The following PCDHB3 variants were observed in gnomAD, a reference collection of about 807,000 sequenced individuals.
PCDHB3 encodes protocadherin beta-3.
For missense variants in PCDHB3, 967 were observed against 1,012.1 expected (o/e 0.96, Z 0.60); for synonymous variants, 479 against 456.0 (o/e 1.05, Z -0.64).
rs1751973980 is a variant in PCDHB3 at position 141,102,333 on chromosome 5, C to T, written c.1684C>T (p.Leu562=). ...CGCCAACGACAACTCGCCCTTCGTG[C>T]TGTACCCGCTGCAGAACGGCTCCGC... ...LDANDNSPFV[L]YPLQNGSAPC... Residue 562 remains leucine, a synonymous_variant, in exon 1 of 1, where the codon CTG becomes TTG. Coordinates refer to ENST00000231130, the MANE Select transcript of PCDHB3 (RefSeq NM_018937.5). 1 of 1,611,486 alleles carries T rather than the reference C, an allele frequency of 6.2e-7. No homozygotes were observed. Among genetic ancestry groups the T allele is most frequent in the Non-Finnish European group, 8.5e-7 (1 of 1,179,692 alleles).
At position 141,101,409 on chromosome 5, in the gene PCDHB3, A is replaced by G. The variant is rs782317628; in HGVS notation, c.760A>G (p.Asn254Asp). The change falls in exon 1 of 1, where the codon AAT becomes GAT. Residue 254 changes from asparagine to aspartate, a missense_variant. Coordinates refer to ENST00000231130, the MANE Select transcript of PCDHB3 (RefSeq NM_018937.5). ...GCTCTATGAGGTTGCAGTTCTAGAG[A>G]ATACCCCCGTTAACTCTGTCATTGT... The part of the protein sequence containing the change: ...QPLYEVAVLE[N>D]TPVNSVIVTV... 6.2e-6 allele frequency: 10 copies of G among 1,614,074 alleles called. No homozygotes were observed. In the East Asian group the frequency reaches 2.2e-4, roughly 36 times the overall value.
At position 141,101,267 on chromosome 5, in the gene PCDHB3, G is replaced by A. The variant is rs782181648; in HGVS notation, c.618G>A (p.Pro206=). The change falls in exon 1 of 1, where the codon CCG becomes CCA. Residue 206 remains proline, a synonymous_variant. Coordinates refer to ENST00000231130, the MANE Select transcript of PCDHB3 (RefSeq NM_018937.5). ...AAGCGCTCGATCCGGAGGAGCAGCC[G>A]GAACTCAGCTTAACGCTCACCGCGC... is the stretch of plus-strand genomic sequence containing the variant. The part of the protein sequence containing the change: ...LDKALDPEEQ[P]ELSLTLTALD... 3.7e-6 allele frequency: 6 copies of A among 1,614,152 alleles called. No homozygotes were observed. In the Admixed American group the frequency reaches 8.3e-5, roughly 22 times the overall value.
Position 141,101,020 on chromosome 5 carries a change from T to A in PCDHB3, c.371T>A (p.Ile124Lys). The A allele has an allele frequency of 6.2e-7, 1 of 1,614,210 alleles. No individual in the cohort carries two copies. Among genetic ancestry groups the A allele is most frequent in the South Asian group, 1.1e-5 (1 of 91,090 alleles). ...LQFVTNELRI[I>K]DVNDHSPVFF... The stretch of plus-strand genomic sequence containing the variant: ...TTCGTTACAAACGAGCTCCGTATCA[T>A]AGATGTAAATGACCATTCTCCGGTA... The change falls in exon 1 of 1, where the codon ATA becomes AAA. Residue 124 changes from isoleucine (I) to lysine (K), a missense_variant. Coordinates refer to ENST00000231130, the MANE Select transcript of PCDHB3 (RefSeq NM_018937.5).
chr5:141,102,839 C>G lies in PCDHB3; in HGVS notation c.2190C>G (p.Gly730=), dbSNP rs1332332683. The change falls in exon 1 of 1, where the codon GGC becomes GGG. Residue 730 remains glycine (G), a synonymous_variant. Coordinates refer to ENST00000231130, the MANE Select transcript of PCDHB3 (RefSeq NM_018937.5). ...TGGGTCGCTGCTCGGTGCCCGAGGGCCCCTTTCCAGGGCAGATGGTGGACG... is the reference window on the plus strand; with the variant it reads ...TGGGTCGCTGCTCGGTGCCCGAGGGGCCCTTTCCAGGGCAGATGGTGGACG... ...ASVGRCSVPE[G]PFPGQMVDVS... is the part of the protein sequence containing the mutation. The G allele has an allele frequency of 2.5e-6, 4 of 1,613,108 alleles. No homozygotes were observed. In the South Asian group the frequency reaches 4.4e-5, roughly 18 times the overall value.
In PCDHB3 at chr5:141,102,484, CCGGGCTGTTCGG is replaced by C; in HGVS notation, c.1838_1849del (p.Gly613_Gly616del). On this transcript the variant is annotated inframe_deletion, in exon 1 of 1. Coordinates refer to ENST00000231130, the MANE Select transcript of PCDHB3 (RefSeq NM_018937.5). ...TACCAGCTGCTCAAGGCCACGGAGC[CCGGGCTGTTCGG>C]CGTGTGGGCGCACAATGGCGAAGTG... 1 of 1,608,938 alleles carries C rather than the reference CCGGGCTGTTCGG, an allele frequency of 6.2e-7. No individual in the cohort carries two copies. The highest frequency in any genetic ancestry group is 1.1e-5 in the South Asian group (1 of 90,950).
chr5:141,103,205 G>A lies in PCDHB3; in HGVS notation c.*165G>A. 1.4e-6 allele frequency: 1 copy of A among 710,380 alleles called. No homozygotes were observed. The highest frequency in any genetic ancestry group is 2.3e-6 in the Non-Finnish European group (1 of 437,926). 44.0% of individuals were successfully genotyped at this position (710,380 alleles called of 1,614,324 possible). A position where few individuals can be genotyped will look rare whatever the true frequency, so the allele number is the denominator to read the frequency against. ...TGGCTTAGGTTTCATTAACAGTACT[G>A]GAAAGTAGTTGTGTGGCTCTGAATG... On this transcript the variant is annotated 3_prime_UTR_variant, in exon 1 of 1. Coordinates refer to ENST00000231130, the MANE Select transcript of PCDHB3 (RefSeq NM_018937.5).
In PCDHB3 at chr5:141,100,523, G is replaced by C. The variant is rs1055411; in HGVS notation, c.-127G>C. 0.074 allele frequency: 55,287 copies of C among 751,092 alleles called. 2,322 individuals are homozygous for C. Among genetic ancestry groups the C allele is most frequent in the South Asian group, 0.11 (5,449 of 50,550 alleles). 46.5% of individuals were successfully genotyped at this position (751,092 alleles called of 1,614,324 possible). Reference sequence around the variant, plus strand: ...CCCAGGCAGATTTTTGAGCCAGCAAGTCTGAGCCTCTGGAAAGGCTTATTC... The same window carrying C: ...CCCAGGCAGATTTTTGAGCCAGCAACTCTGAGCCTCTGGAAAGGCTTATTC... On this transcript the variant is annotated 5_prime_UTR_variant, in exon 1 of 1. Transcript: ENST00000231130.
Position 141,102,032 on chromosome 5 carries a change from C to G in PCDHB3, c.1383C>G (p.Arg461=), listed in dbSNP as rs782246125. 1 of 1,613,144 alleles carries G rather than the reference C, an allele frequency of 6.2e-7. No individual in the cohort carries two copies. Among genetic ancestry groups the G allele is most frequent in the Non-Finnish European group, 8.5e-7 (1 of 1,180,036 alleles). ...FTQISYTLFV[R]ENNSPALHIG... ...AAATCTCCTACACCCTGTTCGTCCGCGAGAACAACAGCCCCGCCCTGCACA... is the reference window on the plus strand; with the variant it reads ...AAATCTCCTACACCCTGTTCGTCCGGGAGAACAACAGCCCCGCCCTGCACA... Residue 461 remains arginine, a synonymous_variant, in exon 1 of 1, where the codon CGC becomes CGG. Coordinates refer to ENST00000231130, the MANE Select transcript of PCDHB3 (RefSeq NM_018937.5).
chr5:141,101,807 G>A lies in PCDHB3; in HGVS notation c.1158G>A (p.Glu386=). 4 of 1,614,066 alleles carry A rather than the reference G, an allele frequency of 2.5e-6. No homozygotes were observed. The highest frequency in any genetic ancestry group is 3.4e-6 in the Non-Finnish European group (4 of 1,180,018). Reference sequence around the variant, plus strand: ...ACGGAAGAGTGATGTGTTCCATTGAGAACAATCTCCCCTTCTTCCTGAAAC... The same window carrying A: ...ACGGAAGAGTGATGTGTTCCATTGAAAACAATCTCCCCTTCTTCCTGAAAC... ...GDNGRVMCSI[E]NNLPFFLKPS... The change falls in exon 1 of 1, where the codon GAG becomes GAA. Residue 386 remains glutamate (E), a synonymous_variant. Transcript: ENST00000231130.
chr5:141,102,811 C>T lies in PCDHB3; in HGVS notation c.2162C>T (p.Ser721Leu), dbSNP rs2149616994. 1 of 1,612,398 alleles carries T rather than the reference C, an allele frequency of 6.2e-7. No homozygotes were observed. Among genetic ancestry groups the T allele is most frequent in the Non-Finnish European group, 8.5e-7 (1 of 1,179,880 alleles). Residue 721 changes from serine (S) to leucine (L), a missense_variant, in exon 1 of 1, where the codon TCG (serine) becomes TTG (leucine). Ser to Leu is a moderately radical substitution (Grantham distance 145). Transcript: ENST00000231130. ...CTGTGCAGGAGGAGCAGGGCGGCCT[C>T]GGTGGGTCGCTGCTCGGTGCCCGAG... ...VRLCRRSRAASVGRCSVPEGP... is the reference protein window; with the variant it reads ...VRLCRRSRAALVGRCSVPEGP...
chr5:141,103,128 G>A lies in PCDHB3; in HGVS notation c.*88G>A, dbSNP rs782754674. The A allele has an allele frequency of 1.3e-4, 197 of 1,486,390 alleles. No individual in the cohort carries two copies. Among genetic ancestry groups the A allele is most frequent in the Middle Eastern group, 5.4e-4 (3 of 5,568 alleles). 92.1% of individuals were successfully genotyped at this position (1,486,390 alleles called of 1,614,324 possible). On this transcript the variant is annotated 3_prime_UTR_variant, in exon 1 of 1. Coordinates refer to ENST00000231130, the MANE Select transcript of PCDHB3 (RefSeq NM_018937.5). ...TTTGTCCATTGGAGAGGTCTTTTTT[G>A]GTCTGGTTCAAGGCAAGTAGCAAGA...
chr5:141,101,305 C>CA lies in PCDHB3; in HGVS notation c.656_657insA (p.Pro220SerfsTer29), dbSNP rs1554272255. On this transcript the variant is annotated frameshift_variant, in exon 1 of 1. Coordinates refer to ENST00000231130, the MANE Select transcript of PCDHB3 (RefSeq NM_018937.5). LOFTEE classifies it low-confidence loss of function (END_TRUNC). Reference sequence around the variant, plus strand: ...ACGCTCACCGCGCTGGACGGCGGCTCTCCCCCTCGGTCTGGGACAGCCCAG... The same window carrying CA: ...ACGCTCACCGCGCTGGACGGCGGCTCATCCCCCTCGGTCTGGGACAGCCCAG... 5.6e-6 allele frequency: 9 copies of CA among 1,614,174 alleles called. No homozygotes were observed. The highest frequency in any genetic ancestry group is 7.6e-6 in the Non-Finnish European group (9 of 1,180,040).
chr5:141,100,515 G>C lies in PCDHB3; in HGVS notation c.-135G>C, dbSNP rs75335674. 3.7e-3 allele frequency: 2,564 copies of C among 685,592 alleles called. 54 individuals are homozygous for C. The African/African-American group carries it at 0.042, about 11-fold the overall frequency. 42.5% of individuals were successfully genotyped at this position (685,592 alleles called of 1,614,324 possible). A position where few individuals can be genotyped will look rare whatever the true frequency, so the allele number is the denominator to read the frequency against. On this transcript the variant is annotated 5_prime_UTR_variant, in exon 1 of 1. Transcript: ENST00000231130. ...GTTGAGAGCCCAGGCAGATTTTTGA[G>C]CCAGCAAGTCTGAGCCTCTGGAAAG... is the stretch of plus-strand genomic sequence containing the variant.
In PCDHB3 at chr5:141,100,839, G is replaced by C; in HGVS notation, c.190G>C (p.Ala64Pro). 1 of 1,614,030 alleles carries C rather than the reference G, an allele frequency of 6.2e-7. No homozygotes were observed. Among genetic ancestry groups the C allele is most frequent in the Non-Finnish European group, 8.5e-7 (1 of 1,180,000 alleles). ...LRVEELAARG[A>P]QVVSKGNKQH... ...GGTAGAGGAACTGGCCGCGAGGGGG[G>C]CCCAAGTTGTGTCCAAAGGGAACAA... The change falls in exon 1 of 1, where the codon GCC (alanine) becomes CCC (proline). Residue 64 changes from alanine (A) to proline (P), a missense_variant. By Grantham distance (27) the Ala-to-Pro change is conservative (BLOSUM62 -1). Coordinates refer to ENST00000231130, the MANE Select transcript of PCDHB3 (RefSeq NM_018937.5).
At position 141,103,430 on chromosome 5, in the gene PCDHB3, A is replaced by C. The variant is rs1752012021; in HGVS notation, c.*390A>C. On this transcript the variant is annotated 3_prime_UTR_variant, in exon 1 of 1. Coordinates refer to ENST00000231130, the MANE Select transcript of PCDHB3 (RefSeq NM_018937.5). Reference sequence around the variant, plus strand: ...ATAGTGATTTCAAATAGCTTATTAAAATAACTCCATTCAAATTTTACATTA... The same window carrying C: ...ATAGTGATTTCAAATAGCTTATTAACATAACTCCATTCAAATTTTACATTA... 6.1e-6 allele frequency: 1 copy of C among 164,034 alleles called. No individual in the cohort carries two copies. The highest frequency in any genetic ancestry group is 5.9e-5 in the Admixed American group (1 of 16,978). 10.2% of individuals were successfully genotyped at this position (164,034 alleles called of 1,614,324 possible).
rs139910364 is a variant in PCDHB3 at position 141,100,640 on chromosome 5, G to A, written c.-10G>A. ...GCGACATTCCCTGGAAGAGCGTGAC[G>A]GAAAGTGCAATGGAGGCGGGAGGAG... is the stretch of plus-strand genomic sequence containing the variant. On this transcript the variant is annotated 5_prime_UTR_variant, in exon 1 of 1. Transcript: ENST00000231130. 3.8e-6 allele frequency: 6 copies of A among 1,569,452 alleles called. No homozygotes were observed. In the East Asian group the frequency reaches 1.1e-4, roughly 29 times the overall value.
chr5:141,102,225 G>T lies in PCDHB3; in HGVS notation c.1576G>T (p.Ala526Ser). 6.2e-7 allele frequency: 1 copy of T among 1,612,662 alleles called. No homozygotes were observed. The highest frequency in any genetic ancestry group is 8.5e-7 in the Non-Finnish European group (1 of 1,179,896). ...GTCGCTGGACTACGAGGCCCTGCAG[G>T]CGTTCGAGTTCCGCGTGGGCGCCAC... ...LRSLDYEALQ[A>S]FEFRVGATDR... The change falls in exon 1 of 1, where the codon GCG (alanine) becomes TCG (serine). Residue 526 changes from alanine to serine, a missense_variant. By Grantham distance (99) the Ala-to-Ser change is moderately conservative (BLOSUM62 1). Transcript: ENST00000231130.
rs782215967 is a variant in PCDHB3, at chr5:141,102,812, G to T, written c.2163G>T (p.Ser721=). ...VRLCRRSRAA[S]VGRCSVPEGP... ...TGTGCAGGAGGAGCAGGGCGGCCTC[G>T]GTGGGTCGCTGCTCGGTGCCCGAGG... Residue 721 remains serine (S), a synonymous_variant, in exon 1 of 1, where the codon TCG becomes TCT. Transcript: ENST00000231130. 2 of 1,612,306 alleles carry T rather than the reference G, an allele frequency of 1.2e-6. No homozygotes were observed. The highest frequency in any genetic ancestry group is 1.1e-5 in the South Asian group (1 of 90,986).
Position 141,102,171 on chromosome 5 carries a change from G to A in PCDHB3, c.1522G>A (p.Ala508Thr). 1 of 1,613,020 alleles carries A rather than the reference G, an allele frequency of 6.2e-7. No homozygotes were observed. Among genetic ancestry groups the A allele is most frequent in the Non-Finnish European group, 8.5e-7 (1 of 1,179,982 alleles). The change falls in exon 1 of 1, where the codon GCG becomes ACG. Residue 508 changes from alanine (A) to threonine (T), a missense_variant. Ala to Thr is a moderately conservative substitution (Grantham distance 58). Transcript: ENST00000231130. Reference protein sequence around the residue: ...LPLSSLVSINADNGHLFALRS... With the variant: ...LPLSSLVSINTDNGHLFALRS... The stretch of plus-strand genomic sequence containing the variant: ...CCTCTCTTCCCTGGTCTCCATCAAC[G>A]CGGACAACGGCCACCTGTTTGCCCT...
Sources: allele counts gnomAD v4.1 joint callset, GRCh38; gene constraint gnomAD v4.1.1; transcripts MANE v1.5; gene names NCBI Gene and HGNC (gene_info 2026-07-23, HGNC 2026-07-21).